The following SLIT3 variants were observed in gnomAD, a reference collection of about 807,000 sequenced individuals.
SLIT3 encodes the protein slit guidance ligand 3, also known as slit homolog 3 protein.
Under a neutral mutation model 184.0 loss-of-function variants are expected in SLIT3, and 68 were observed. The ratio of observed to expected loss-of-function variants is 0.37; its 90% CI spans 0.30 to 0.45. The LOEUF is 0.45. SLIT3 is among the 20% of genes least tolerant of loss of function. The pLI, the probability that SLIT3 is intolerant of heterozygous loss-of-function variation, is 1.00. For missense variants in SLIT3, 1,707 were observed against 2,026.0 expected, an observed-to-expected ratio of 0.84 and a Z score of 3.02; for synonymous variants, 831 against 828.6, an observed-to-expected ratio of 1.00 and a Z score of -0.05.
At chr5:168,724,249 C>A (rs1763035229) in intron 21 of SLIT3, among the ~76,000 whole-genome samples, 167 bp downstream of exon 21, 1 of 152,156 alleles carries the variant, frequency 6.6e-6, no homozygotes, top group Non-Finnish European at 1.5e-5. Context: ...TCTGCAAGAT[C>A]TCCCACTTTC....
intron 1 of SLIT3, among the ~76,000 whole-genome samples, chr5:169,285,882 A>T (rs1767136483): frequency 6.6e-6 from 1 of 152,220 alleles, no homozygotes; most frequent in Non-Finnish European, 1.5e-5. Flanking sequence ...TCTGCAGATG[A>T]TGCCTCAGAC....
intron 27 of SLIT3, among the ~76,000 whole-genome samples, chr5:168,699,512 C>T (rs1762156964): frequency 6.6e-6 from 1 of 152,194 alleles, no homozygotes. Context: ...CTAAAAGCTG[C>T]TGGGGAAGGT....
intron 4 of SLIT3, among the ~76,000 whole-genome samples, chr5:168,961,687 G>C (rs1054030794): frequency 2.6e-5 from 4 of 152,156 alleles, no homozygotes; most frequent in Admixed American, 6.5e-5. Context: ...CAGAAAGCAG[G>C]ATGGGTTAGT....
intron 24 of SLIT3, among the ~76,000 whole-genome samples, chr5:168,711,721 A>G (rs1342467918): frequency 6.6e-6 from 1 of 152,224 alleles, no homozygotes; most frequent in Admixed American, 6.5e-5. Flanking sequence ...TCTGTGGAAG[A>G]GAGGTCTGGC....
At chr5:169,270,605 G>A (rs1766569498) in intron 1 of SLIT3, among the ~76,000 whole-genome samples, 1 of 152,138 alleles carries the variant, frequency 6.6e-6, no homozygotes, top group African/African-American at 2.4e-5. Flanking sequence ...GAGACCCAGA[G>A]CCTAAATATA....
chr5:168,804,651 T>C (rs545655060), intron 9 of SLIT3, among the ~76,000 whole-genome samples: 2 of 152,300 alleles, frequency 1.3e-5, no homozygotes, highest in South Asian at 4.1e-4. Flanking sequence ...ACTAACCAGC[T>C]CCTGCCTGCC....
rs571484630 is a variant in SLIT3 at position 168,686,926 on chromosome 5, C to T, written c.3314+53G>A. The T allele has an allele frequency of 1.6e-5, 26 of 1,596,274 alleles. No individual in the cohort carries two copies. The South Asian group carries it at 2.8e-4, about 17-fold the overall frequency. The stretch of plus-strand genomic sequence containing the variant: ...GGCCACCTTAGCCAGTCAGCCCCAG[C>T]CCCTGCCACCTGGCCCAGGCTGTCT... On this transcript the variant is annotated intron_variant, in intron 30 of 35. Coordinates refer to ENST00000519560, the MANE Select transcript of SLIT3 (RefSeq NM_003062.4).
chr5:168,743,554 C>G (rs544574841), intron 20 of SLIT3, among the ~76,000 whole-genome samples: 1 of 152,254 alleles, frequency 6.6e-6, no homozygotes, highest in African/African-American at 2.4e-5. Context: ...CTCGGACCTC[C>G]CTATTTCCGG....
intron 4 of SLIT3, among the ~76,000 whole-genome samples, chr5:169,079,331 T>C (rs532805979): frequency 1.9e-3 from 294 of 152,178 alleles, no homozygotes; most frequent in Non-Finnish European, 3.5e-3. Flanking sequence ...TAGTTCTAGC[T>C]AAACAAAGAA....
At chr5:169,078,544 A>G (rs1758837173) in intron 4 of SLIT3, among the ~76,000 whole-genome samples, 1 of 152,066 alleles carries the variant, frequency 6.6e-6, no homozygotes, top group Non-Finnish European at 1.5e-5. Flanking sequence ...TTCCTACTTC[A>G]CCAACTTCAC....
intron 4 of SLIT3, among the ~76,000 whole-genome samples, chr5:168,918,383 A>C (rs1761514732): frequency 6.6e-6 from 1 of 152,228 alleles, no homozygotes. Flanking sequence ...TTGCATCAGA[A>C]CAAAAATAAA....
Position 168,992,108 on chromosome 5 carries a change from C to T in SLIT3, c.414-108772G>A, listed in dbSNP as rs537568637. Among the ~76,000 whole-genome samples the T allele has an allele frequency of 1.1e-4, 17 of 152,370 alleles. No individual in the cohort carries two copies. The South Asian group carries it at 3.5e-3, about 32-fold the overall frequency. ...CTTTGGCCCAAAGCCATTGCCTTTG[C>T]CATTGGACTTGGCCCCTGCCCCACC... On this transcript the variant is annotated intron_variant, in intron 4 of 35. Coordinates refer to ENST00000519560, the MANE Select transcript of SLIT3 (RefSeq NM_003062.4).
chr5:168,949,851 C>T (rs1762596098), intron 4 of SLIT3, among the ~76,000 whole-genome samples: 1 of 152,162 alleles, frequency 6.6e-6, no homozygotes, highest in African/African-American at 2.4e-5. Flanking sequence ...CTCAGCCTCC[C>T]AAAGTGCTGG....
intron 6 of SLIT3, among the ~76,000 whole-genome samples, chr5:168,841,646 A>T (rs1399424620): frequency 1.3e-5 from 2 of 152,172 alleles, no homozygotes; most frequent in African/African-American, 4.8e-5. Context: ...CAATGTTCTC[A>T]TTCAATGTAA....
intron 4 of SLIT3, among the ~76,000 whole-genome samples, chr5:168,913,293 C>T (rs947010163): frequency 5.3e-5 from 8 of 152,196 alleles, no homozygotes; most frequent in Admixed American, 2.0e-4. Context: ...TCAACAGATG[C>T]GCCTAGTAAG....
At chr5:169,066,418 T>C (rs946201443) in intron 4 of SLIT3, among the ~76,000 whole-genome samples, 2 of 152,132 alleles carry the variant, frequency 1.3e-5, no homozygotes, top group African/African-American at 2.4e-5. Flanking sequence ...GAAATTCAAA[T>C]GGCCAACATA....
At position 169,025,334 on chromosome 5, in the gene SLIT3, AGGTACT is replaced by A. The variant is rs1756775826; in HGVS notation, c.414-142004_414-141999del. ...TCCAGAGTTCCCAGCTCGTACCAGAAGGTACTTACTGAAAGTCTCCTTCCAACATCT... is the reference window on the plus strand; with the variant it reads ...TCCAGAGTTCCCAGCTCGTACCAGAATACTGAAAGTCTCCTTCCAACATCT... On this transcript the variant is annotated intron_variant, in intron 4 of 35. Coordinates refer to ENST00000519560, the MANE Select transcript of SLIT3 (RefSeq NM_003062.4). Among the ~76,000 whole-genome samples the A allele has an allele frequency of 2.0e-5, 3 of 152,338 alleles. No homozygotes were observed. The East Asian group carries it at 5.8e-4, about 29-fold the overall frequency.
intron 4 of SLIT3, among the ~76,000 whole-genome samples, chr5:169,137,450 C>T (rs961915329): frequency 8.5e-5 from 13 of 152,084 alleles, no homozygotes; most frequent in African/African-American, 3.1e-4. Flanking sequence ...TTATTCCCCT[C>T]GTCTTCTCCT....
rs185774845 is a variant in SLIT3 at position 168,729,714 on chromosome 5, T to C, written c.2271-5230A>G. On this transcript the variant is annotated intron_variant, in intron 20 of 35. Coordinates refer to ENST00000519560, the MANE Select transcript of SLIT3 (RefSeq NM_003062.4). ...ATCATGAAAATATAAAACTCACAGTTCATATAAAACAATTATACAAAGGAA... is the reference window on the plus strand; with the variant it reads ...ATCATGAAAATATAAAACTCACAGTCCATATAAAACAATTATACAAAGGAA... 2.0e-5 allele frequency among the ~76,000 whole-genome samples: 3 copies of C among 152,136 alleles called. No homozygotes were observed. In the East Asian group the frequency reaches 5.8e-4, roughly 29 times the overall value.
Sources: gnomAD v4.1 joint callset for allele counts (sites outside exome capture counted in the v4.1 genomes callset) on GRCh38, gnomAD v4.1.1 for gene constraint, MANE v1.5 for transcripts, NCBI Gene and HGNC (gene_info 2026-07-23, HGNC 2026-07-21) for gene names.